Variants in LAMC1 observed in about 807,000 individuals in gnomAD.
The protein encoded by LAMC1 is laminin subunit gamma 1, also known as laminin subunit gamma-1.
A neutral mutation model predicts 173.6 loss-of-function variants in LAMC1; 38 were observed. The ratio of observed to expected loss-of-function variants is 0.22; its 90% CI spans 0.17 to 0.29. LAMC1 has a LOEUF of 0.29. LAMC1 is among the 10% of genes least tolerant of loss of function. The pLI is 1.00. For missense variants in LAMC1, 1,824 were observed against 2,051.8 expected (o/e 0.89, Z 2.14); for synonymous variants, 746 against 749.1 (o/e 1.00, Z 0.07).
chr1:183,114,109 G>A lies in LAMC1; in HGVS notation c.1022-422G>A, dbSNP rs540392032. On this transcript the variant is annotated intron_variant, in intron 4 of 27. Transcript: ENST00000258341. ...TTGAGACAGAGTTTTAGCTCTTGTC[G>A]CCCAGGCTGGTGCCCAGTGGCGTGA... Among the ~76,000 whole-genome samples the A allele has an allele frequency of 6.6e-5, 10 of 152,190 alleles. No individual in the cohort carries two copies. The South Asian group carries it at 8.3e-4, about 13-fold the overall frequency.
intron 6 of LAMC1, among the ~76,000 whole-genome samples, chr1:183,116,182 TA>T (rs1001497880): frequency 3.3e-5 from 5 of 151,710 alleles, no homozygotes; most frequent in African/African-American, 1.2e-4. Flanking sequence ...GTATTTCTTT[TA>T]AAAAAGTCTG....
At chr1:183,060,300 TC>T (rs1013129004) in intron 1 of LAMC1, among the ~76,000 whole-genome samples, 2 of 151,208 alleles carry the variant, frequency 1.3e-5, no homozygotes, top group African/African-American at 4.9e-5. Context: ...CACCAATAGT[TC>T]CAGCTACTCA....
chr1:183,127,526 T>C (rs978040501), intron 17 of LAMC1, 122 bp downstream of exon 17: 1 of 804,542 alleles, frequency 1.2e-6, no homozygotes, highest in Non-Finnish European at 2.0e-6. Context: ...TCTTAAAGAC[T>C]TATGTTCCAG....
intron 1 of LAMC1, among the ~76,000 whole-genome samples, chr1:183,027,295 A>G (rs1205566184): frequency 6.6e-6 from 1 of 151,836 alleles, no homozygotes; most frequent in Non-Finnish European, 1.5e-5. Context: ...CCACTTTTCT[A>G]AGAAGAAGTC....
chr1:183,051,397 C>T (rs1288839595), intron 1 of LAMC1, among the ~76,000 whole-genome samples: 1 of 152,242 alleles, frequency 6.6e-6, no homozygotes, highest in Non-Finnish European at 1.5e-5. Context: ...CCTCCATCCC[C>T]ATCAAGGCAC....
intron 2 of LAMC1, among the ~76,000 whole-genome samples, chr1:183,108,063 G>A (rs894085532): frequency 2.6e-5 from 4 of 152,076 alleles, no homozygotes; most frequent in Non-Finnish European, 5.9e-5. Flanking sequence ...TGGAGACTCC[G>A]AGTAGTAAAG....
At chr1:183,061,930 G>A (rs1337086589) in intron 1 of LAMC1, among the ~76,000 whole-genome samples, 5 of 152,192 alleles carry the variant, frequency 3.3e-5, no homozygotes, top group African/African-American at 4.8e-5. Context: ...CTCACTGTAC[G>A]TCATTGGGAC....
At chr1:183,039,298 C>T (rs946474457) in intron 1 of LAMC1, among the ~76,000 whole-genome samples, 8 of 152,054 alleles carry the variant, frequency 5.3e-5, no homozygotes, top group Non-Finnish European at 7.3e-5. Flanking sequence ...ACCAAAAGAG[C>T]AATTGTGTAC....
chr1:183,042,175 C>T (rs935544811), intron 1 of LAMC1, among the ~76,000 whole-genome samples: 17 of 152,116 alleles, frequency 1.1e-4, no homozygotes, highest in Admixed American at 1.0e-3. Context: ...TAGTTCTCCA[C>T]GCTGACATTC....
intron 1 of LAMC1, among the ~76,000 whole-genome samples, chr1:183,080,512 T>A (rs1361350222): frequency 6.6e-6 from 1 of 152,146 alleles, no homozygotes; most frequent in East Asian, 1.9e-4. Context: ...TTTTGTCACC[T>A]CCCTTTCTCT....
intron 17 of LAMC1, among the ~76,000 whole-genome samples, chr1:183,127,981 T>A (rs2102098709): frequency 1.3e-5 from 2 of 152,248 alleles, no homozygotes; most frequent in South Asian, 4.2e-4. Flanking sequence ...TGAAGAATGA[T>A]GGTTAGGAAT....
chr1:183,110,545 G>A lies in LAMC1; in HGVS notation c.912G>A (p.Val304=), dbSNP rs573334274. 1.7e-5 allele frequency: 28 copies of A among 1,613,930 alleles called. No homozygotes were observed. The South Asian group carries it at 3.1e-4, about 18-fold the overall frequency. The change falls in exon 4 of 28, where the codon GTG becomes GTA. Residue 304 remains valine, a synonymous_variant. Coordinates refer to ENST00000258341, the MANE Select transcript of LAMC1 (RefSeq NM_002293.4). ...TGAAGAACGAATTTGATAAGCTGGT[G>A]TGTAATTGCAAACATAACACATATG... ...ECMKNEFDKL[V]CNCKHNTYGV...
At chr1:183,063,027 C>T (rs958498856) in intron 1 of LAMC1, among the ~76,000 whole-genome samples, 1 of 152,150 alleles carries the variant, frequency 6.6e-6, no homozygotes, top group African/African-American at 2.4e-5. Context: ...CAGTTAAGTA[C>T]ATTTTGAGGG....
chr1:183,067,991 CA>C (rs1164866232), intron 1 of LAMC1, among the ~76,000 whole-genome samples: 1 of 152,038 alleles, frequency 6.6e-6, no homozygotes, highest in African/African-American at 2.4e-5. Context: ...ATAAATCTCC[CA>C]GAAAATAAGT....
intron 1 of LAMC1, among the ~76,000 whole-genome samples, chr1:183,078,161 C>T (rs1655168835): frequency 6.6e-6 from 1 of 152,076 alleles, no homozygotes; most frequent in Admixed American, 6.6e-5. Context: ...AAGATGTTAA[C>T]TGGAAAGATA....
rs549098461 is a variant in LAMC1 at position 183,140,047 on chromosome 1, A to G, written c.4474-357A>G. On this transcript the variant is annotated intron_variant, in intron 26 of 27. Transcript: ENST00000258341. ...TAGTTTCTATAATCATCCTTAAAAA[A>G]TAACTTGTTTCTGCTTAATAGGCTT... 5.9e-5 allele frequency among the ~76,000 whole-genome samples: 9 copies of G among 152,254 alleles called. No homozygotes were observed. The South Asian group carries it at 1.9e-3, about 32-fold the overall frequency.
chr1:183,125,420 A>G lies in LAMC1; in HGVS notation c.2671A>G (p.Thr891Ala). 6.2e-7 allele frequency: 1 copy of G among 1,614,046 alleles called. No homozygotes were observed. Among genetic ancestry groups the G allele is most frequent in the Non-Finnish European group, 8.5e-7 (1 of 1,179,984 alleles). ...AGCCTGCAATTGCAATCTGTATGGG[A>G]CCATGAAGCAGCAGAGCAGCTGTAA... is the stretch of plus-strand genomic sequence containing the variant. The part of the protein sequence containing the change: ...CKACNCNLYG[T>A]MKQQSSCNPV... Residue 891 changes from threonine (T) to alanine (A), a missense_variant, in exon 15 of 28, where the codon ACC becomes GCC. By Grantham distance (58) the Thr-to-Ala change is moderately conservative. Coordinates refer to ENST00000258341, the MANE Select transcript of LAMC1 (RefSeq NM_002293.4).
intron 13 of LAMC1, 137 bp downstream of exon 13, chr1:183,122,388 G>T (rs1390441776): frequency 7.8e-6 from 6 of 768,792 alleles, no homozygotes; most frequent in Non-Finnish European, 1.3e-5. Flanking sequence ...GGAAGCTGAG[G>T]CTCACTCTCC....
chr1:183,055,989 G>A lies in LAMC1; in HGVS notation c.418+31855G>A, dbSNP rs1049595994. Among the ~76,000 whole-genome samples the A allele has an allele frequency of 1.1e-4, 16 of 152,290 alleles. 1 individual carries two copies. The Middle Eastern group carries it at 0.017, about 162-fold the overall frequency. ...TTACTGTTGGATTAAAAAGTGTCTT[G>A]TGTATGGAATAAGAATCAAGTGGCA... On this transcript the variant is annotated intron_variant, in intron 1 of 27. Transcript: ENST00000258341.
Sources: allele counts gnomAD v4.1 joint callset (sites outside exome capture counted in the v4.1 genomes callset), GRCh38; gene constraint gnomAD v4.1.1; transcripts MANE v1.5; gene names NCBI Gene and HGNC (gene_info 2026-07-23, HGNC 2026-07-21).